MTUS2: variants seen among roughly 807,000 people sequenced by gnomAD.
MTUS2 encodes microtubule-associated tumor suppressor candidate 2.
Under a neutral mutation model 114.1 loss-of-function variants are expected in MTUS2, and 40 were observed. The observed-to-expected ratio is 0.35, with a 90% CI of 0.27 to 0.46. The LOEUF (loss-of-function observed/expected upper bound fraction) is 0.46. Among genes scored for constraint, MTUS2 ranks in the 20% least tolerant of loss-of-function variants. MTUS2 has a pLI of 1.00. For synonymous variants in MTUS2, 688 were observed against 672.0 expected (o/e 1.02, Z -0.37); for missense variants, 1,679 against 1,705.4 (o/e 0.98, Z 0.27).
intron 2 of MTUS2, among the ~76,000 whole-genome samples, chr13:28,982,485 GAAT>G (rs1385813027): frequency 6.6e-6 from 1 of 152,130 alleles, no homozygotes; most frequent in South Asian, 2.1e-4. Context: ...ATCAAACATA[GAAT>G]TATCATCTGA....
chr13:29,242,438 A>T (rs73168220), intron 5 of MTUS2: 16,103 of 173,198 alleles, frequency 0.093, 916 homozygotes, highest in East Asian at 0.23. Flanking sequence ...CAATTTATGG[A>T]TATACTACCT....
chr13:28,936,642 G>A (rs1881915393), intron 2 of MTUS2, among the ~76,000 whole-genome samples: 1 of 152,146 alleles, frequency 6.6e-6, no homozygotes, highest in African/African-American at 2.4e-5. Flanking sequence ...TGTCCTGTCT[G>A]GCAGCGTTGG....
chr13:28,924,135 C>T (rs186980099), intron 2 of MTUS2, among the ~76,000 whole-genome samples: 201 of 152,166 alleles, frequency 1.3e-3, no homozygotes, highest in Non-Finnish European at 2.1e-3. Flanking sequence ...AAATGGCAGG[C>T]CTGGGTTGCT....
intron 6 of MTUS2, chr13:29,307,891 A>G (rs1899550970): frequency 1.8e-6 from 1 of 556,446 alleles, no homozygotes; most frequent in Admixed American, 2.8e-5. Flanking sequence ...CCCTCCTCAG[A>G]GTTTCCATGC....
chr13:29,394,497 T>G (rs1457473894), intron 8 of MTUS2, among the ~76,000 whole-genome samples: 1 of 152,192 alleles, frequency 6.6e-6, no homozygotes. Context: ...CAGTCCTTAT[T>G]ATGCAGGTGA....
intron 8 of MTUS2, among the ~76,000 whole-genome samples, chr13:29,369,563 TAAG>T (rs57120274): frequency 0.2 from 30,716 of 152,020 alleles, 3,209 homozygotes; most frequent in Middle Eastern, 0.25. Flanking sequence ...ACAGCAAGAA[TAAG>T]ATTTATGTGG....
At chr13:29,484,659 G>A (rs1053434117) in intron 10 of MTUS2, among the ~76,000 whole-genome samples, 2 of 152,178 alleles carry the variant, frequency 1.3e-5, no homozygotes, top group Non-Finnish European at 2.9e-5. Flanking sequence ...GAGAGAGTGG[G>A]CCTGGGCAGC....
In MTUS2 at chr13:28,975,713, A is replaced by G. The variant is rs182738661; in HGVS notation, c.-242-48744A>G. Reference sequence around the variant, plus strand: ...ATCTTTGCCAGAAACCATGAGGACAATATTATTTTTATCCCTAATTTTTGT... The same window carrying G: ...ATCTTTGCCAGAAACCATGAGGACAGTATTATTTTTATCCCTAATTTTTGT... On this transcript the variant is annotated intron_variant, in intron 2 of 15. Transcript: ENST00000612955. 9.8e-5 allele frequency among the ~76,000 whole-genome samples: 15 copies of G among 152,326 alleles called. No individual in the cohort carries two copies. In the East Asian group the frequency reaches 1.5e-3, roughly 16 times the overall value.
chr13:29,168,741 A>C (rs1428159894), intron 5 of MTUS2, among the ~76,000 whole-genome samples: 1 of 152,158 alleles, frequency 6.6e-6, no homozygotes, highest in African/African-American at 2.4e-5. Flanking sequence ...ATTCCACCCG[A>C]AGCCCTTAGT....
intron 2 of MTUS2, among the ~76,000 whole-genome samples, chr13:28,945,581 G>A (rs1882483476): frequency 6.6e-6 from 1 of 152,092 alleles, no homozygotes; most frequent in South Asian, 2.1e-4. Context: ...GATTAGTGAC[G>A]TCCAACATTT....
intron 7 of MTUS2, among the ~76,000 whole-genome samples, chr13:29,351,778 ATTTT>A (rs10706342): frequency 7.1e-5 from 10 of 141,526 alleles, no homozygotes; most frequent in African/African-American, 2.7e-4. Flanking sequence ...AATTTTGTTT[ATTTT>A]TTTTTTTTTT....
intron 5 of MTUS2, among the ~76,000 whole-genome samples, chr13:29,244,983 T>TAAAAAAAAAAAAA (rs1156962360): frequency 1.6e-4 from 16 of 98,576 alleles, no homozygotes; most frequent in African/African-American, 2.0e-4. Context: ...AAAAAAAAAG[T>TAAAAAAAAAAAAA]AAAAGTCTGT....
chr13:29,430,473 C>G (rs1593435807), intron 8 of MTUS2, among the ~76,000 whole-genome samples: 1 of 152,130 alleles, frequency 6.6e-6, no homozygotes, highest in African/African-American at 2.4e-5. Context: ...AGTGTTTTAG[C>G]TTTGAAACTT....
chr13:29,422,602 C>T (rs935661662), intron 8 of MTUS2, among the ~76,000 whole-genome samples: 1 of 149,870 alleles, frequency 6.7e-6, no homozygotes, highest in Non-Finnish European at 1.5e-5. Flanking sequence ...TATTGGGAGC[C>T]AAAATGTCCC....
rs370819371 is a variant in MTUS2 at position 29,409,771 on chromosome 13, A to G, written c.3118-30212A>G. The stretch of plus-strand genomic sequence containing the variant: ...TATACTCTGGAAATCATGCCAGATA[A>G]GTTCATGGACATTTTCTTCATTCGT... On this transcript the variant is annotated intron_variant, in intron 8 of 15. Coordinates refer to ENST00000612955, the MANE Select transcript of MTUS2 (RefSeq NM_001033602.4). Among the ~76,000 whole-genome samples, 64 of 151,356 alleles carry G rather than the reference A, an allele frequency of 4.2e-4. No individual in the cohort carries two copies. In the South Asian group the frequency reaches 6.7e-3, roughly 16 times the overall value.
At chr13:29,093,533 G>T (rs1055475107) in intron 4 of MTUS2, among the ~76,000 whole-genome samples, 6 of 152,090 alleles carry the variant, frequency 3.9e-5, no homozygotes, top group Non-Finnish European at 8.8e-5. Context: ...AATACAAATT[G>T]TTATCTTAAT....
In MTUS2 at chr13:29,139,530, T is replaced by C. The variant is rs145962121; in HGVS notation, c.2644+38560T>C. ...TGATGCTAAATTCTAATATCTAATA[T>C]AATACTAAATTTAATGTCTGTTGAT... On this transcript the variant is annotated intron_variant, in intron 5 of 15. Transcript: ENST00000612955. Among the ~76,000 whole-genome samples the C allele has an allele frequency of 8.3e-4, 124 of 150,290 alleles. 1 individual carries two copies. Among genetic ancestry groups the C allele is most frequent in the African/African-American group, 2.9e-3 (119 of 40,752 alleles).
At chr13:29,235,548 G>A (rs1896503851) in intron 5 of MTUS2, among the ~76,000 whole-genome samples, 1 of 152,024 alleles carries the variant, frequency 6.6e-6, no homozygotes, top group Non-Finnish European at 1.5e-5. Flanking sequence ...AATCTTAATG[G>A]TTCAGTTGAA....
intron 5 of MTUS2, among the ~76,000 whole-genome samples, chr13:29,178,387 A>C (rs568272609): frequency 4.1e-4 from 62 of 152,260 alleles, no homozygotes; most frequent in African/African-American, 1.5e-3. Flanking sequence ...ATTTTGGAAT[A>C]ATCTTTGAAA....
Sources: allele counts gnomAD v4.1 joint callset (sites outside exome capture counted in the v4.1 genomes callset), GRCh38; gene constraint gnomAD v4.1.1; transcripts MANE v1.5; gene names NCBI Gene and HGNC (gene_info 2026-07-23, HGNC 2026-07-21).